Variants in CLEC16A observed in about 807,000 individuals in gnomAD.
The protein encoded by CLEC16A is C-type lectin domain containing 16A, also known as protein CLEC16A.
In CLEC16A, 51 loss-of-function variants were observed where a neutral mutation model predicts 109.5. The ratio of observed to expected loss-of-function variants is 0.47; its 90% CI spans 0.37 to 0.59. The LOEUF is 0.59. Ranked by LOEUF, CLEC16A falls within the 20% of genes least tolerant of loss-of-function variation. CLEC16A has a pLI of 0.00. For synonymous variants in CLEC16A, 673 were observed against 564.2 expected, an observed-to-expected ratio of 1.19 and a Z score of -2.73; for missense variants, 1,339 against 1,394.0, an observed-to-expected ratio of 0.96 and a Z score of 0.63.
intron 2 of CLEC16A, among the ~76,000 whole-genome samples, chr16:10,959,824 G>C (rs536226493): frequency 1.3e-5 from 2 of 151,786 alleles, no homozygotes; most frequent in South Asian, 4.2e-4. Context: ...TGTTGCCAGG[G>C]CTGGTCTCAA....
intron 10 of CLEC16A, among the ~76,000 whole-genome samples, 195 bp downstream of exon 10, chr16:10,983,186 G>T (rs1472762371): frequency 6.6e-6 from 1 of 152,208 alleles, no homozygotes; most frequent in African/African-American, 2.4e-5. Flanking sequence ...GGACCACCTG[G>T]ATTTGATTGA....
chr16:11,130,186 C>T (rs1467005180), intron 22 of CLEC16A, among the ~76,000 whole-genome samples: 2 of 152,174 alleles, frequency 1.3e-5, no homozygotes, highest in African/African-American at 2.4e-5. Flanking sequence ...GTGCTGTTTA[C>T]CCTGCATCTC....
chr16:11,135,351 C>T (rs571616581), intron 22 of CLEC16A, among the ~76,000 whole-genome samples: 40 of 152,302 alleles, frequency 2.6e-4, no homozygotes, highest in Admixed American at 2.4e-3. Context: ...ACCGCGTTCC[C>T]GGATCCGGGC....
At chr16:11,096,868 A>C (rs567166996) in intron 19 of CLEC16A, among the ~76,000 whole-genome samples, 2 of 152,354 alleles carry the variant, frequency 1.3e-5, no homozygotes, top group South Asian at 4.1e-4. Flanking sequence ...ATAAATTTCA[A>C]TACAAAGGGA....
At position 11,139,693 on chromosome 16, in the gene CLEC16A, T is replaced by TG. The variant is rs760841674; in HGVS notation, c.2641+13548dup. Among the ~76,000 whole-genome samples, 10 of 152,284 alleles carry TG rather than the reference T, an allele frequency of 6.6e-5. No homozygotes were observed. The South Asian group carries it at 2.1e-3, about 32-fold the overall frequency. On this transcript the variant is annotated intron_variant, in intron 22 of 23. Transcript: ENST00000409790. ...GCCGCCTCAGTTTCCATGTTGAGGG[T>TG]GAGAAATTCACAGCGTGATTTGGGG...
At chr16:10,948,100 A>T (rs192618671) in intron 1 of CLEC16A, among the ~76,000 whole-genome samples, 1 of 152,096 alleles carries the variant, frequency 6.6e-6, no homozygotes, top group Non-Finnish European at 1.5e-5. Flanking sequence ...TCACCGTGTT[A>T]GCCAGGATGG....
chr16:11,161,996 G>T (rs552102297), intron 22 of CLEC16A, among the ~76,000 whole-genome samples: 1 of 152,342 alleles, frequency 6.6e-6, no homozygotes, highest in East Asian at 1.9e-4. Flanking sequence ...CATGTCCAAG[G>T]TCTCGAAGTC....
intron 22 of CLEC16A, among the ~76,000 whole-genome samples, chr16:11,135,144 T>A (rs1362895992): frequency 6.6e-6 from 1 of 152,222 alleles, no homozygotes; most frequent in Non-Finnish European, 1.5e-5. Flanking sequence ...TTCAAAGCTT[T>A]CTGGCAATTG....
At chr16:11,118,016 C>G (rs1393475380) in intron 19 of CLEC16A, among the ~76,000 whole-genome samples, 1 of 152,012 alleles carries the variant, frequency 6.6e-6, no homozygotes, top group Non-Finnish European at 1.5e-5. Context: ...CTTTTGTCAC[C>G]TAGGCTACAG....
rs187747586 is a variant in CLEC16A, at chr16:11,175,882, A to C, written c.2807-2453A>C. On this transcript the variant is annotated intron_variant, in intron 23 of 23. Transcript: ENST00000409790. ...TTGGCCAGCTTCTTTGAATATCTGC[A>C]TGCAAATGCAGACTTGAGCAAAGAG... 3.9e-5 allele frequency among the ~76,000 whole-genome samples: 6 copies of C among 152,392 alleles called. 1 individual carries two copies. The highest frequency in any genetic ancestry group is 1.3e-4 in the Admixed American group (2 of 15,310).
intron 22 of CLEC16A, among the ~76,000 whole-genome samples, chr16:11,146,654 T>C (rs946218840): frequency 6.7e-6 from 1 of 149,730 alleles, no homozygotes; most frequent in Non-Finnish European, 1.5e-5. Context: ...CAGGGATAGA[T>C]AGAAGCCTGG....
At position 11,181,268 on chromosome 16, in the gene CLEC16A, A is replaced by G. The variant is rs1351490113; in HGVS notation, c.*2578A>G. 1 of 152,258 alleles carries G rather than the reference A, an allele frequency of 6.6e-6. No individual in the cohort carries two copies. The highest frequency in any genetic ancestry group is 1.5e-5 in the Non-Finnish European group (1 of 68,112). The allele number at this position is 152,258 out of a possible 1,614,324, so 9.4% of individuals were successfully genotyped here. On this transcript the variant is annotated 3_prime_UTR_variant, in exon 24 of 24. Transcript: ENST00000409790. ...GGGGCGCTCCCAGACAGGCCAGTCC[A>G]GACAGGACACGCTGGGCCCCTGGCA...
intron 22 of CLEC16A, among the ~76,000 whole-genome samples, chr16:11,156,086 G>A (rs936973867): frequency 3.0e-4 from 46 of 152,180 alleles, no homozygotes; most frequent in Admixed American, 2.6e-3. Context: ...TCCTGGCCGG[G>A]CATGGTGGCT....
At chr16:11,120,133 C>G (rs2052297706) in intron 19 of CLEC16A, among the ~76,000 whole-genome samples, 1 of 152,204 alleles carries the variant, frequency 6.6e-6, no homozygotes, top group Non-Finnish European at 1.5e-5. Flanking sequence ...CCACACCCAG[C>G]TAATCTTTTG....
intron 13 of CLEC16A, chr16:11,027,849 T>G: frequency 1.5e-6 from 1 of 677,432 alleles, no homozygotes; most frequent in Non-Finnish European, 2.6e-6. Context: ...ATCAAGTGTC[T>G]TCAGAGAAGA....
At chr16:11,167,151 C>T (rs998418894) in intron 23 of CLEC16A, among the ~76,000 whole-genome samples, 2 of 152,144 alleles carry the variant, frequency 1.3e-5, no homozygotes, top group African/African-American at 4.8e-5. Flanking sequence ...ACCAGCTCCT[C>T]GTTCTCGGCT....
chr16:11,019,735 C>A (rs1000829563), intron 11 of CLEC16A, among the ~76,000 whole-genome samples: 2 of 150,618 alleles, frequency 1.3e-5, no homozygotes, highest in African/African-American at 4.9e-5. Flanking sequence ...CGCCACTGCC[C>A]TCCAGCCTGG....
At chr16:11,046,705 C>G (rs1394090145) in intron 16 of CLEC16A, among the ~76,000 whole-genome samples, 1 of 152,152 alleles carries the variant, frequency 6.6e-6, no homozygotes, top group Non-Finnish European at 1.5e-5. Context: ...AGGTGTAAAG[C>G]TGGATTTGGT....
Position 11,172,199 on chromosome 16 carries a change from CACAT to C in CLEC16A, c.2806+5651_2806+5654del, listed in dbSNP as rs1357891540. Among the ~76,000 whole-genome samples, 12 of 152,336 alleles carry C rather than the reference CACAT, an allele frequency of 7.9e-5. No individual in the cohort carries two copies. The South Asian group carries it at 1.2e-3, about 16-fold the overall frequency. On this transcript the variant is annotated intron_variant, in intron 23 of 23. Coordinates refer to ENST00000409790, the MANE Select transcript of CLEC16A (RefSeq NM_015226.3). ...ACAAATGGACTTACATAGTCACACT[CACAT>C]ACACAGCCACATTCACATACATGCA...
Sources: allele counts gnomAD v4.1 joint callset (sites outside exome capture counted in the v4.1 genomes callset), GRCh38; gene constraint gnomAD v4.1.1; transcripts MANE v1.5; gene names NCBI Gene and HGNC (gene_info 2026-07-23, HGNC 2026-07-21).